Variants in F12 observed in about 807,000 individuals in gnomAD.
The protein encoded by F12 is Hageman factor.
Under a neutral mutation model 74.8 loss-of-function variants are expected in F12, and 70 were observed. That is an observed-to-expected ratio of 0.94 (90% CI 0.77 to 1.14). The LOEUF is 1.14. Among genes scored for constraint, F12 ranks in the 50% most tolerant of loss-of-function variants. F12 has a pLI of 0.00. For synonymous variants in F12, 373 were observed against 356.4 expected, an observed-to-expected ratio of 1.05 and a Z score of -0.52; for missense variants, 811 against 835.7, an observed-to-expected ratio of 0.97 and a Z score of 0.36.
In F12 at chr5:177,406,055, G is replaced by C. The variant is rs779717286; in HGVS notation, c.122C>G (p.Thr41Ser). The C allele has an allele frequency of 6.2e-7, 1 of 1,613,964 alleles. No individual in the cohort carries two copies. The highest frequency in any genetic ancestry group is 8.5e-7 in the Non-Finnish European group (1 of 1,179,934). Residue 41 changes from threonine (T) to serine (S), a missense_variant, in exon 3 of 14, where the codon ACT (threonine) becomes AGT (serine). Transcript: ENST00000253496. ...GAAGTGGCAGGGCTCCCCGGTGACA[G>C]TGAGAACTGCAGGGACAACACACTC... Reference protein sequence around the residue: ...YKAEEHTVVLTVTGEPCHFPF... With the variant: ...YKAEEHTVVLSVTGEPCHFPF...
intron 5 of F12, 54 bp from the exon 6 acceptor site, chr5:177,405,239 T>C (rs1408780187): frequency 1.1e-5 from 17 of 1,613,332 alleles, no homozygotes; most frequent in Middle Eastern, 1.6e-4. Context: ...ATGCCAAGTC[T>C]CCGAGTATCC....
Position 177,405,768 on chromosome 5 carries a change from ATCGCTGGTCCTGATCAAAGTTGGGGGT to A in F12, c.226_252del (p.Thr76_Arg84del). The stretch of plus-strand genomic sequence containing the variant: ...TTCTTGGGCTCCAAACAGTATCCCC[ATCGCTGGTCCTGATCAAAGTTGGGGGT>A]GGTAGCACACCTGTAGAAAGAGACA... On this transcript the variant is annotated inframe_deletion, in exon 4 of 14. Coordinates refer to ENST00000253496, the MANE Select transcript of F12 (RefSeq NM_000505.4). 1 of 1,614,194 alleles carries A rather than the reference ATCGCTGGTCCTGATCAAAGTTGGGGGT, an allele frequency of 6.2e-7. No homozygotes were observed. The highest frequency in any genetic ancestry group is 8.5e-7 in the Non-Finnish European group (1 of 1,180,022).
intron 2 of F12, among the ~76,000 whole-genome samples, chr5:177,407,779 C>T (rs1763324946): frequency 7.9e-6 from 1 of 126,676 alleles, no homozygotes; most frequent in Admixed American, 7.8e-5. Flanking sequence ...AGCGAGACTC[C>T]ATCTCAAAAA....
rs145712984 is a variant in F12 at position 177,408,299 on chromosome 5, C to T, written c.115+747G>A. ...TCGAACTCCTGACCTCATGATCCACCGACCTTGGCCTCCCAAAGTGCTGGG... is the reference window on the plus strand; with the variant it reads ...TCGAACTCCTGACCTCATGATCCACTGACCTTGGCCTCCCAAAGTGCTGGG... On this transcript the variant is annotated intron_variant, in intron 2 of 13. Transcript: ENST00000253496. Among the ~76,000 whole-genome samples, 142 of 152,204 alleles carry T rather than the reference C, an allele frequency of 9.3e-4. No individual in the cohort carries two copies. The East Asian group carries it at 0.02, about 21-fold the overall frequency.
chr5:177,407,999 C>T (rs1380525635), intron 2 of F12, among the ~76,000 whole-genome samples: 1 of 151,936 alleles, frequency 6.6e-6, no homozygotes, highest in African/African-American at 2.4e-5. Context: ...CAAGTCAGGC[C>T]CACCAGGGTA....
intron 1 of F12, 51 bp from the exon 2 acceptor site, chr5:177,409,154 A>G (rs1055898268): frequency 2.0e-6 from 3 of 1,520,784 alleles, no homozygotes; most frequent in Non-Finnish European, 2.7e-6. Flanking sequence ...ATAGCCTGCC[A>G]CCGATCTGTT....
Position 177,405,331 on chromosome 5 carries a change from C to A in F12, c.389G>T (p.Cys130Phe), listed in dbSNP as rs1763264684. ...LCPQHLTGNHCQKEKCFEPQL... is the reference protein window; with the variant it reads ...LCPQHLTGNHFQKEKCFEPQL... ...CCTCCACATCTCCTCACCTTTCTGGCAGTGGTTTCCAGTGAGGTGTTGTGG... is the reference window on the plus strand; with the variant it reads ...CCTCCACATCTCCTCACCTTTCTGGAAGTGGTTTCCAGTGAGGTGTTGTGG... The change falls in exon 5 of 14, where the codon TGC (cysteine) becomes TTC (phenylalanine). Residue 130 changes from cysteine to phenylalanine, a missense_variant. Physicochemically the swap from Cys to Phe is radical, Grantham distance 205. Transcript: ENST00000253496. 1.9e-6 allele frequency: 3 copies of A among 1,614,142 alleles called. No homozygotes were observed. Among genetic ancestry groups the A allele is most frequent in the Non-Finnish European group, 2.5e-6 (3 of 1,180,018 alleles).
chr5:177,403,255 C>T lies in F12; in HGVS notation c.1530G>A (p.Glu510=), dbSNP rs1763185944. 6.2e-7 allele frequency: 1 copy of T among 1,600,596 alleles called. No homozygotes were observed. Among genetic ancestry groups the T allele is most frequent in the Non-Finnish European group, 8.5e-7 (1 of 1,179,848 alleles). The part of the protein sequence containing the change: ...CQVAGWGHQF[E]GAEEYASFLQ... ...CCTGCCCCTAGCAGTTGTGCCTACC[C>T]TCGAACTGGTGGCCCCAGCCGGCCA... Residue 510 remains glutamate, a splice_region_variant and synonymous_variant, in exon 12 of 14, where the codon GAG becomes GAA. Transcript: ENST00000253496.
chr5:177,406,676 G>A lies in F12; in HGVS notation c.116-615C>T, dbSNP rs1763305094. On this transcript the variant is annotated intron_variant, in intron 2 of 13. Coordinates refer to ENST00000253496, the MANE Select transcript of F12 (RefSeq NM_000505.4). ...GTCACTGTTAACCACTCTGATCTGA[G>A]CCTTGGTTTCCTTATCTGTAAAACG... 3.9e-5 allele frequency among the ~76,000 whole-genome samples: 6 copies of A among 152,292 alleles called. No homozygotes were observed. In the South Asian group the frequency reaches 1.2e-3, roughly 32 times the overall value.
intron 9 of F12, 51 bp downstream of exon 9, chr5:177,404,145 T>C: frequency 6.3e-7 from 1 of 1,583,174 alleles, no homozygotes; most frequent in Non-Finnish European, 8.6e-7. Flanking sequence ...GGCCGGAATC[T>C]AGCTCGCCCG....
rs761161412 is a variant in F12, at chr5:177,403,477, G to A, written c.1387+4C>T. On this transcript the variant is annotated splice_donor_region_variant and intron_variant, in intron 11 of 13. Coordinates refer to ENST00000253496, the MANE Select transcript of F12 (RefSeq NM_000505.4). ...TCCCGTCCCCGCGGGGCGCCCCCAC[G>A]CACCCAGGTCGTGCTGGTAGCTGAC... The A allele has an allele frequency of 1.9e-6, 3 of 1,559,812 alleles. No individual in the cohort carries two copies. The highest frequency in any genetic ancestry group is 8.6e-7 in the Non-Finnish European group (1 of 1,157,044).
In F12 at chr5:177,404,841, C is replaced by T. The variant is rs371662154; in HGVS notation, c.603G>A (p.Pro201=). The T allele has an allele frequency of 5.0e-6, 8 of 1,609,442 alleles. No individual in the cohort carries two copies. Among genetic ancestry groups the T allele is most frequent in the South Asian group, 1.1e-5 (1 of 90,610 alleles). Residue 201 remains proline, a synonymous_variant, in exon 7 of 14, where the codon CCG becomes CCA. Transcript: ENST00000253496. ...EVEGHRLCHC[P]VGYTGAFCDV... ...CGCAGAAGGCTCCGGTGTAGCCCACCGGGCAGTGGCACAGGCGGTGGCCCT... is the reference window on the plus strand; with the variant it reads ...CGCAGAAGGCTCCGGTGTAGCCCACTGGGCAGTGGCACAGGCGGTGGCCCT...
rs1763237199 is a variant in F12 at position 177,404,578 on chromosome 5, A to C, written c.721T>G (p.Trp241Gly). The C allele has an allele frequency of 1.2e-6, 2 of 1,607,890 alleles. No homozygotes were observed. Among genetic ancestry groups the C allele is most frequent in the East Asian group, 4.5e-5 (2 of 44,674 alleles). The stretch of plus-strand genomic sequence containing the variant: ...TTCCGGTAGGTGGCCTCCGAGGCCC[A>C]CGGCTGACAGGGCGCACCCGAGAGC... Reference protein sequence around the residue: ...TTLSGAPCQPWASEATYRNVT... With the variant: ...TTLSGAPCQPGASEATYRNVT... The change falls in exon 8 of 14, where the codon TGG (tryptophan) becomes GGG (glycine). Residue 241 changes from tryptophan (W) to glycine (G), a missense_variant. Coordinates refer to ENST00000253496, the MANE Select transcript of F12 (RefSeq NM_000505.4).
At position 177,402,276 on chromosome 5, in the gene F12, A is replaced by C. The variant is rs367876764; in HGVS notation, c.*16T>G. On this transcript the variant is annotated 3_prime_UTR_variant, in exon 14 of 14. Transcript: ENST00000253496. ...CTGCGGAATCACCAAGGAGGGAAAGATGAGTCCCTGAGCAATCAGGAAACG... is the reference window on the plus strand; with the variant it reads ...CTGCGGAATCACCAAGGAGGGAAAGCTGAGTCCCTGAGCAATCAGGAAACG... 1 of 1,613,216 alleles carries C rather than the reference A, an allele frequency of 6.2e-7. No homozygotes were observed. Among genetic ancestry groups the C allele is most frequent in the Non-Finnish European group, 8.5e-7 (1 of 1,179,834 alleles).
At position 177,404,107 on chromosome 5, in the gene F12, G is replaced by A. The variant is rs1261771131; in HGVS notation, c.1019-17C>T. The A allele has an allele frequency of 8.8e-6, 14 of 1,598,072 alleles. No individual in the cohort carries two copies. In the East Asian group the frequency reaches 3.1e-4, roughly 36 times the overall value. On this transcript the variant is annotated splice_polypyrimidine_tract_variant and intron_variant, in intron 9 of 13. Transcript: ENST00000253496. ...CCGGCAAGGCTGTGGAGGAGCAGGG[G>A]CTGAGGACGGAGAGCCCGCGGCCGG...
chr5:177,404,494 C>A lies in F12; in HGVS notation c.800+5G>T. The stretch of plus-strand genomic sequence containing the variant: ...GGAGGGGTCACCCAGCCCCACGCGG[C>A]GCACCGGCAGAAGGCGTGGCCGCCC... On this transcript the variant is annotated splice_donor_5th_base_variant and intron_variant, in intron 8 of 13. Coordinates refer to ENST00000253496, the MANE Select transcript of F12 (RefSeq NM_000505.4). 6.3e-7 allele frequency: 1 copy of A among 1,590,510 alleles called. No individual in the cohort carries two copies. The highest frequency in any genetic ancestry group is 1.8e-5 in the Admixed American group (1 of 56,392).
At position 177,404,736 on chromosome 5, in the gene F12, C is replaced by T. The variant is rs1279979560; in HGVS notation, c.635-72G>A. On this transcript the variant is annotated intron_variant, in intron 7 of 13. Coordinates refer to ENST00000253496, the MANE Select transcript of F12 (RefSeq NM_000505.4). The stretch of plus-strand genomic sequence containing the variant: ...GCCTCCCTCTCATCTGCTTTCCGCA[C>T]TCTCCCTCCTCCTTCCTGGCAAGCC... 10 of 1,595,916 alleles carry T rather than the reference C, an allele frequency of 6.3e-6. No individual in the cohort carries two copies. In the Admixed American group the frequency reaches 7.0e-5, roughly 11 times the overall value.
chr5:177,404,387 C>T lies in F12; in HGVS notation c.827G>A (p.Trp276Ter). The T allele has an allele frequency of 2.5e-6, 4 of 1,612,080 alleles. No individual in the cohort carries two copies. Among genetic ancestry groups the T allele is most frequent in the Non-Finnish European group, 3.4e-6 (4 of 1,179,708 alleles). ...CRNPDNDIRP[W>*]CFVLNRDRLS... ...CCGGTCGCGGTTCAGCACGAAGCAC[C>T]ACGGGCGGATGTCGTTGTCCGGGTT... Residue 276 changes from tryptophan (W) to a stop codon, truncating the protein, a stop_gained, in exon 9 of 14, where the codon TGG becomes TAG. Transcript: ENST00000253496. LOFTEE classifies it high-confidence loss of function.
Position 177,402,198 on chromosome 5 carries a change from G to A in F12, c.*94C>T, listed in dbSNP as rs1008975357. On this transcript the variant is annotated 3_prime_UTR_variant, in exon 14 of 14. Transcript: ENST00000253496. ...GCGCCATCCTGGCGCGGAGCTGGCC[G>A]CACTGGGGGAATGGGACACAATCTT... 9 of 1,508,808 alleles carry A rather than the reference G, an allele frequency of 6.0e-6. No individual in the cohort carries two copies. The highest frequency in any genetic ancestry group is 2.3e-5 in the South Asian group (2 of 85,370). 93.5% of individuals were successfully genotyped at this position (1,508,808 alleles called of 1,614,324 possible). A position where few individuals can be genotyped will look rare whatever the true frequency, so the allele number is the denominator to read the frequency against.
Sources: gnomAD v4.1 joint callset for allele counts (sites outside exome capture counted in the v4.1 genomes callset) on GRCh38, gnomAD v4.1.1 for gene constraint, MANE v1.5 for transcripts, NCBI Gene and HGNC (gene_info 2026-07-23, HGNC 2026-07-21) for gene names.